Variants in PDZD2 observed in about 807,000 individuals in gnomAD.
PDZD2 encodes the protein PDZ domain-containing protein 2.
A neutral mutation model predicts 220.7 loss-of-function variants in PDZD2; 90 were observed. The ratio of observed to expected loss-of-function variants is 0.41; its 90% CI spans 0.34 to 0.49. The LOEUF is 0.49. PDZD2 is among the 20% of genes least tolerant of loss of function. The probability of loss-of-function intolerance (pLI) is 0.28; values close to 1 mark genes in which losing one functional copy is unlikely to be tolerated. For missense variants in PDZD2, 3,174 were observed against 3,608.5 expected, an observed-to-expected ratio of 0.88 and a Z score of 3.08; for synonymous variants, 1,375 against 1,450.5, an observed-to-expected ratio of 0.95 and a Z score of 1.18.
chr5:31,679,750 T>A (rs545506882), intron 1 of PDZD2, among the ~76,000 whole-genome samples: 1 of 152,316 alleles, frequency 6.6e-6, no homozygotes, highest in East Asian at 1.9e-4. Context: ...CCTCAAGTGA[T>A]CTTCCAGCCT....
chr5:31,751,256 A>G (rs60365189), intron 1 of PDZD2, among the ~76,000 whole-genome samples: 5,007 of 120,698 alleles, frequency 0.041, 270 homozygotes, highest in African/African-American at 0.13. Flanking sequence ...AAAAAAAAAA[A>G]AGAGAGTGGC....
intron 2 of PDZD2, among the ~76,000 whole-genome samples, chr5:31,810,645 C>T (rs1419565077): frequency 6.6e-6 from 1 of 152,166 alleles, no homozygotes. Context: ...GAAGCAGAGG[C>T]AGGTAACCAA....
chr5:31,945,840 A>G (rs2111566328), intron 2 of PDZD2, among the ~76,000 whole-genome samples: 1 of 151,842 alleles, frequency 6.6e-6, no homozygotes, highest in African/African-American at 2.4e-5. Context: ...GATCCTTACT[A>G]TTTCTGCTAT....
Position 32,087,680 on chromosome 5 carries a change from CG to C in PDZD2, c.4236del (p.His1413ThrfsTer12), listed in dbSNP as rs772654138. On this transcript the variant is annotated frameshift_variant, in exon 20 of 25. Transcript: ENST00000438447. LOFTEE classifies it high-confidence loss of function. The surrounding 1 kb of genome is among the most constrained non-coding windows in gnomAD (Gnocchi z 4.0). ...ACCAAAGAAGCATGTGGCCATGTCT[CG>C]GGGCACTGCTGCCCAGGGGGGAGTA... ...DNTKEACGHVSGHCCPGGSRE... is the reference protein window; with the variant it reads ...DNTKEACGHVXGHCCPGGSRE... The C allele has an allele frequency of 6.2e-7, 1 of 1,614,168 alleles. No individual in the cohort carries two copies. The highest frequency in any genetic ancestry group is 8.5e-7 in the Non-Finnish European group (1 of 1,180,014).
At chr5:32,007,693 T>C (rs1470699928) in intron 5 of PDZD2, among the ~76,000 whole-genome samples, 3 of 152,226 alleles carry the variant, frequency 2.0e-5, no homozygotes, top group Non-Finnish European at 4.4e-5. Flanking sequence ...TGATTAAATA[T>C]GATTAAGACG....
intron 14 of PDZD2, among the ~76,000 whole-genome samples, chr5:32,067,114 G>T (rs1321057121): frequency 6.6e-6 from 1 of 152,188 alleles, no homozygotes; most frequent in Non-Finnish European, 1.5e-5. Flanking sequence ...CTGAATGTAT[G>T]TGCTTGCTTA....
At chr5:31,847,508 A>G (rs1394144773) in intron 2 of PDZD2, 2 of 647,670 alleles carry the variant, frequency 3.1e-6, no homozygotes, top group African/African-American at 1.8e-5. Flanking sequence ...GCTTATGCAC[A>G]CACTGCCAAA....
At chr5:31,987,768 G>T (rs981981340) in intron 3 of PDZD2, among the ~76,000 whole-genome samples, 1 of 152,132 alleles carries the variant, frequency 6.6e-6, no homozygotes, top group African/African-American at 2.4e-5. Context: ...AGATTCATTG[G>T]GGGTGACCAA....
rs776228383 is a variant in PDZD2 at position 32,037,288 on chromosome 5, T to C, written c.1465T>C (p.Leu489=). ...CGGTGCTGAGGAATCCAAGGGGAAC[T>C]TGGAAAGTCCCAAACAGGGCAGCAA... The part of the protein sequence containing the change: ...VCGAEESKGN[L]ESPKQGSNKI... Residue 489 remains leucine (L), a synonymous_variant, in exon 7 of 25, where the codon TTG becomes CTG. Transcript: ENST00000438447. 2 of 1,613,920 alleles carry C rather than the reference T, an allele frequency of 1.2e-6. No homozygotes were observed. The highest frequency in any genetic ancestry group is 2.2e-5 in the South Asian group (2 of 91,074).
rs1436482537 is a variant in PDZD2 at position 32,036,936 on chromosome 5, G to A, written c.1408-295G>A. On this transcript the variant is annotated intron_variant, in intron 6 of 24. Transcript: ENST00000438447. ...TGTCCTCAGGTGTAGGATGGAAGAC[G>A]AAGTGGCCCTGGGGGCCCTGGTTCC... Among the ~76,000 whole-genome samples, 5 of 152,352 alleles carry A rather than the reference G, an allele frequency of 3.3e-5. No homozygotes were observed. In the South Asian group the frequency reaches 6.2e-4, roughly 19 times the overall value.
intron 24 of PDZD2, among the ~76,000 whole-genome samples, chr5:32,103,251 A>G (rs1445139217): frequency 1.3e-5 from 2 of 152,142 alleles, no homozygotes; most frequent in Non-Finnish European, 2.9e-5. Context: ...AAAACAAACA[A>G]ACAAACAAAA....
intron 2 of PDZD2, among the ~76,000 whole-genome samples, chr5:31,930,050 C>G (rs1466532867): frequency 3.3e-5 from 5 of 152,128 alleles, no homozygotes; most frequent in African/African-American, 1.2e-4. Flanking sequence ...TGCTTCTGCT[C>G]CCTTTTTGCC....
intron 1 of PDZD2, chr5:31,787,860 T>G (rs938670553): frequency 6.6e-6 from 1 of 152,234 alleles, no homozygotes; most frequent in Non-Finnish European, 1.5e-5. Flanking sequence ...CAAGTGCACC[T>G]TCCATGGGTC....
At chr5:31,966,576 G>GC (rs1319095496) in intron 2 of PDZD2, among the ~76,000 whole-genome samples, 1 of 152,196 alleles carries the variant, frequency 6.6e-6, no homozygotes, top group Non-Finnish European at 1.5e-5. Context: ...CATGAAGAGT[G>GC]CACTGATCAG....
intron 17 of PDZD2, among the ~76,000 whole-genome samples, chr5:32,072,908 G>A (rs779352120): frequency 9.2e-5 from 14 of 152,072 alleles, no homozygotes; most frequent in Non-Finnish European, 1.9e-4. Context: ...TTACATTTTA[G>A]GGAATCCAGC....
intron 1 of PDZD2, among the ~76,000 whole-genome samples, chr5:31,659,126 C>T (rs902490379): frequency 5.3e-5 from 8 of 152,176 alleles, no homozygotes; most frequent in African/African-American, 1.9e-4. Context: ...ACTTCTCAGA[C>T]ACTGCTTTTC....
intron 2 of PDZD2, among the ~76,000 whole-genome samples, chr5:31,974,405 G>C (rs1008607181): frequency 3.9e-5 from 6 of 152,114 alleles, no homozygotes; most frequent in African/African-American, 1.4e-4. Context: ...TTTAAGATGC[G>C]TATTGGTTTA....
At chr5:31,783,795 C>CCCT (rs564548936) in intron 1 of PDZD2, among the ~76,000 whole-genome samples, 253 of 152,266 alleles carry the variant, frequency 1.7e-3, no homozygotes, top group African/African-American at 5.5e-3. Context: ...TGGAGATGTG[C>CCCT]CCTTGTGCCT....
chr5:31,773,106 G>A (rs564968302), intron 1 of PDZD2, among the ~76,000 whole-genome samples: 5 of 152,180 alleles, frequency 3.3e-5, no homozygotes, highest in Non-Finnish European at 7.3e-5. Context: ...ACATTCACCC[G>A]ACAGTCAAAA....
Sources: gnomAD v4.1 joint callset for allele counts (sites outside exome capture counted in the v4.1 genomes callset) on GRCh38, gnomAD v4.1.1 for gene constraint, Gnocchi (gnomAD v3.1) non-coding constraint, MANE v1.5 for transcripts, NCBI Gene and HGNC (gene_info 2026-07-23, HGNC 2026-07-21) for gene names.